The following SPTLC1 variants were observed in gnomAD, a reference collection of about 807,000 sequenced individuals.
SPTLC1 encodes the protein serine palmitoyltransferase 1.
Under a neutral mutation model 68.9 loss-of-function variants are expected in SPTLC1, and 55 were observed. That is an observed-to-expected ratio of 0.80 (90% CI 0.64 to 1.00). The LOEUF (loss-of-function observed/expected upper bound fraction) is 1.00. Among genes scored for constraint, SPTLC1 ranks in the 50% least tolerant of loss-of-function variants. SPTLC1 has a pLI of 0.00. For missense variants in SPTLC1, 449 were observed against 573.1 expected, an observed-to-expected ratio of 0.78 and a Z score of 2.21; for synonymous variants, 197 against 201.6, an observed-to-expected ratio of 0.98 and a Z score of 0.19.
chr9:92,033,856 G>A (rs1323807881), intron 14 of SPTLC1, among the ~76,000 whole-genome samples: 1 of 152,202 alleles, frequency 6.6e-6, no homozygotes, highest in Non-Finnish European at 1.5e-5. Flanking sequence ...GAAAAGGGCA[G>A]GCTCCTTAAG....
rs1449150924 is a variant in SPTLC1 at position 92,066,245 on chromosome 9, CTG to C, written c.560+1719_560+1720del. Among the ~76,000 whole-genome samples the C allele has an allele frequency of 2.0e-5, 3 of 152,032 alleles. 1 individual carries two copies. The highest frequency in any genetic ancestry group is 1.9e-4 in the East Asian group (1 of 5,200). ...GGTGCGTGTGAGAGAGTGTGTGTGT[CTG>C]TGTGTGGGAGGGAGGCTTGAGAAGC... On this transcript the variant is annotated intron_variant, in intron 6 of 14. Transcript: ENST00000262554.
intron 3 of SPTLC1, among the ~76,000 whole-genome samples, chr9:92,091,466 G>A (rs1835359318): frequency 6.6e-6 from 1 of 152,170 alleles, no homozygotes; most frequent in Non-Finnish European, 1.5e-5. Context: ...AAGATGCCTA[G>A]GAAGAATTAG....
chr9:92,037,781 G>C (rs888898806), intron 13 of SPTLC1, among the ~76,000 whole-genome samples: 5 of 152,184 alleles, frequency 3.3e-5, no homozygotes, highest in Admixed American at 6.5e-5. Flanking sequence ...CCGTTTACAA[G>C]AGCATCCTGA....
chr9:92,114,677 G>A (rs1006672480), intron 1 of SPTLC1, among the ~76,000 whole-genome samples: 1 of 151,784 alleles, frequency 6.6e-6, no homozygotes, highest in African/African-American at 2.4e-5. Flanking sequence ...GGAGGTTGTA[G>A]TGAGCCGAGA....
At chr9:92,051,317 TG>T (rs1460561432) in intron 8 of SPTLC1, 1 of 954,604 alleles carries the variant, frequency 1.0e-6, no homozygotes, top group Non-Finnish European at 1.2e-6. Flanking sequence ...TGGTTCAACA[TG>T]GAAAAATCAA....
chr9:92,054,230 G>A (rs1191588590), intron 8 of SPTLC1, among the ~76,000 whole-genome samples: 1 of 152,172 alleles, frequency 6.6e-6, no homozygotes. Flanking sequence ...GCGGTGAGCC[G>A]AGATCGTGCC....
intron 6 of SPTLC1, among the ~76,000 whole-genome samples, chr9:92,063,072 GA>G (rs1225249379): frequency 6.6e-6 from 1 of 152,058 alleles, no homozygotes; most frequent in Non-Finnish European, 1.5e-5. Flanking sequence ...GAAAAACAAT[GA>G]AACAAAGAGC....
At chr9:92,048,653 T>A (rs969171387) in intron 9 of SPTLC1, among the ~76,000 whole-genome samples, 1 of 152,198 alleles carries the variant, frequency 6.6e-6, no homozygotes. Context: ...GTTTCATCTA[T>A]AAACATTGCA....
chr9:92,115,262 A>C, intron 1 of SPTLC1, 52 bp downstream of exon 1: 1 of 1,587,954 alleles, frequency 6.3e-7, no homozygotes, highest in Non-Finnish European at 8.6e-7. Flanking sequence ...GCGTCCTCCC[A>C]CCCTCCCCGG....
At chr9:92,109,147 A>G (rs1836126197) in intron 2 of SPTLC1, 2 of 278,924 alleles carry the variant, frequency 7.2e-6, no homozygotes, top group African/African-American at 4.4e-5. Flanking sequence ...TTTTAACTTT[A>G]GGCCTACTAA....
chr9:92,047,956 TCACAG>T (rs139197136), intron 9 of SPTLC1, among the ~76,000 whole-genome samples: 3,202 of 152,240 alleles, frequency 0.021, 108 homozygotes, highest in African/African-American at 0.074. Flanking sequence ...ACAAATTAAC[TCACAG>T]CAAAGACAAA....
At chr9:92,108,508 T>C (rs1370437694) in intron 3 of SPTLC1, 1 of 495,970 alleles carries the variant, frequency 2.0e-6, no homozygotes, top group East Asian at 4.1e-5. Context: ...TTAACATGTG[T>C]GCATTCTTGG....
intron 3 of SPTLC1, among the ~76,000 whole-genome samples, chr9:92,088,529 T>C (rs540857076): frequency 1.8e-4 from 28 of 152,224 alleles, no homozygotes; most frequent in Non-Finnish European, 3.1e-4. Flanking sequence ...TAGTCAGGTA[T>C]TGGCAGTCAC....
chr9:92,089,954 T>C (rs551882145), intron 3 of SPTLC1, among the ~76,000 whole-genome samples: 1 of 152,296 alleles, frequency 6.6e-6, no homozygotes, highest in East Asian at 1.9e-4. Context: ...CAAATAATGA[T>C]CCACTTAGAA....
intron 6 of SPTLC1, among the ~76,000 whole-genome samples, chr9:92,065,039 T>C (rs1449062717): frequency 1.3e-5 from 2 of 152,262 alleles, no homozygotes; most frequent in African/African-American, 4.8e-5. Flanking sequence ...AAAGTCAATA[T>C]CCTGGCTGTG....
At chr9:92,047,461 T>C (rs1331829196) in intron 10 of SPTLC1, 152 bp downstream of exon 10, 11 of 738,240 alleles carry the variant, frequency 1.5e-5, no homozygotes, top group Non-Finnish European at 2.3e-5. Context: ...CATTTCTAAA[T>C]AGAAATATTT....
intron 3 of SPTLC1, among the ~76,000 whole-genome samples, chr9:92,093,198 A>C (rs548519230): frequency 6.6e-6 from 1 of 152,344 alleles, no homozygotes; most frequent in South Asian, 2.1e-4. Flanking sequence ...AATAAAGAAA[A>C]GTCATGCAAT....
intron 5 of SPTLC1, among the ~76,000 whole-genome samples, chr9:92,068,889 A>T (rs961387755): frequency 6.6e-6 from 1 of 152,174 alleles, no homozygotes. Context: ...TAAAACTTTA[A>T]AACAGCCTTA....
At chr9:92,077,886 G>A (rs1205192532) in intron 5 of SPTLC1, among the ~76,000 whole-genome samples, 1 of 151,920 alleles carries the variant, frequency 6.6e-6, no homozygotes, top group African/African-American at 2.4e-5. Context: ...CTTACTCTTT[G>A]TCTCACTCCC....
Sources: gnomAD v4.1 joint callset for allele counts (sites outside exome capture counted in the v4.1 genomes callset) on GRCh38, gnomAD v4.1.1 for gene constraint, MANE v1.5 for transcripts, NCBI Gene and HGNC (gene_info 2026-07-23, HGNC 2026-07-21) for gene names.